The following DOCK5 variants were observed in gnomAD, a reference collection of about 807,000 sequenced individuals.
The protein encoded by DOCK5 is dedicator of cytokinesis 5, also known as dedicator of cytokinesis protein 5.
A neutral mutation model predicts 251.8 loss-of-function variants in DOCK5; 142 were observed. The observed-to-expected ratio is 0.56, with a 90% CI of 0.49 to 0.65. The LOEUF (loss-of-function observed/expected upper bound fraction) is 0.65. Among genes scored for constraint, DOCK5 ranks in the 30% least tolerant of loss-of-function variants. The probability of loss-of-function intolerance (pLI) is 0.00; values close to 1 mark genes in which losing one functional copy is unlikely to be tolerated. For missense variants in DOCK5, 2,111 were observed against 2,312.3 expected (o/e 0.91, Z 1.79); for synonymous variants, 842 against 835.5 (o/e 1.01, Z -0.13).
chr8:25,336,157 T>C (rs1805799217), intron 21 of DOCK5, 82 bp from the exon 22 acceptor site: 9 of 1,458,490 alleles, frequency 6.2e-6, no homozygotes, highest in Non-Finnish European at 8.4e-6. Context: ...CAGGATGCCA[T>C]GTTCCCCTCT....
chr8:25,234,754 C>T (rs986014928), intron 1 of DOCK5, among the ~76,000 whole-genome samples: 9 of 152,156 alleles, frequency 5.9e-5, no homozygotes, highest in Admixed American at 6.5e-5. Context: ...AAATACTCCC[C>T]GCACCTGGTG....
intron 1 of DOCK5, among the ~76,000 whole-genome samples, chr8:25,225,080 A>G (rs1802496139): frequency 6.6e-6 from 1 of 152,216 alleles, no homozygotes; most frequent in Non-Finnish European, 1.5e-5. Context: ...ATCAAAAACA[A>G]AAAACAAAAA....
At chr8:25,316,200 C>T (rs1310887392) in intron 13 of DOCK5, among the ~76,000 whole-genome samples, 1 of 152,148 alleles carries the variant, frequency 6.6e-6, no homozygotes, top group Non-Finnish European at 1.5e-5. Flanking sequence ...GTACTCTAGG[C>T]TGGGCATGGT....
At chr8:25,258,372 T>C (rs1803476259) in intron 2 of DOCK5, among the ~76,000 whole-genome samples, 1 of 152,138 alleles carries the variant, frequency 6.6e-6, no homozygotes. Context: ...ATTAAAAATA[T>C]TGTAATGTTT....
rs1805019830 is a variant in DOCK5 at position 25,308,979 on chromosome 8, A to G, written c.1192+54A>G. On this transcript the variant is annotated intron_variant, in intron 12 of 51. Coordinates refer to ENST00000276440, the MANE Select transcript of DOCK5 (RefSeq NM_024940.8). Reference sequence around the variant, plus strand: ...ACTCTGCTGAGGGTGGGGGACATTCACAGCTGGGTCCTTGGACTCCTGCCC... The same window carrying G: ...ACTCTGCTGAGGGTGGGGGACATTCGCAGCTGGGTCCTTGGACTCCTGCCC... The G allele has an allele frequency of 5.7e-6, 9 of 1,580,408 alleles. No individual in the cohort carries two copies. The Admixed American group carries it at 1.2e-4, about 21-fold the overall frequency.
intron 1 of DOCK5, among the ~76,000 whole-genome samples, chr8:25,242,045 C>G (rs993887854): frequency 6.6e-6 from 1 of 152,050 alleles, no homozygotes. Context: ...GAAGAAATAC[C>G]TAATGTAGAT....
At chr8:25,387,960 C>T (rs948220821) in intron 40 of DOCK5, among the ~76,000 whole-genome samples, 14 of 152,154 alleles carry the variant, frequency 9.2e-5, no homozygotes, top group Non-Finnish European at 2.1e-4. Context: ...CCTTTACCCA[C>T]CATTGTTTCA....
intron 1 of DOCK5, among the ~76,000 whole-genome samples, chr8:25,208,315 T>C (rs1027610637): frequency 1.3e-5 from 2 of 152,212 alleles, no homozygotes; most frequent in Non-Finnish European, 2.9e-5. Context: ...TTTGAGAGGA[T>C]TGACTCCAAA....
At chr8:25,322,748 A>G (rs1420408374) in intron 16 of DOCK5, among the ~76,000 whole-genome samples, 3 of 152,240 alleles carry the variant, frequency 2.0e-5, no homozygotes, top group South Asian at 2.1e-4. Context: ...TGTGGTCACA[A>G]GGCTAGCATA....
At position 25,395,613 on chromosome 8, in the gene DOCK5, T is replaced by C. The variant is rs1801331894; in HGVS notation, c.4598T>C (p.Val1533Ala). Residue 1533 changes from valine to alanine, a missense_variant, in exon 45 of 52, where the codon GTT (valine) becomes GCT (alanine). Val to Ala is a moderately conservative substitution (Grantham distance 64). This residue lies in a region of DOCK5 where 1,717 missense variants were observed against 1,892.4 expected (regional missense o/e 0.91). Coordinates refer to ENST00000276440, the MANE Select transcript of DOCK5 (RefSeq NM_024940.8). The stretch of plus-strand genomic sequence containing the variant: ...ACCAACGAGAGGATCAGCAACTGTG[T>C]TCAGCAGCATGCCTGGGACCGGTCC... ...ELTNERISNC[V>A]QQHAWDRSLS... is the part of the protein sequence containing the mutation. 1 of 1,613,050 alleles carries C rather than the reference T, an allele frequency of 6.2e-7. No homozygotes were observed. Among genetic ancestry groups the C allele is most frequent in the African/African-American group, 1.3e-5 (1 of 74,726 alleles).
intron 46 of DOCK5, 67 bp downstream of exon 46, chr8:25,400,061 G>A (rs1801411450): frequency 7.5e-7 from 1 of 1,326,264 alleles, no homozygotes; most frequent in Non-Finnish European, 1.1e-6. Context: ...ATTCTCCAGG[G>A]CTTAAGTCTA....
rs551482220 is a variant in DOCK5 at position 25,391,161 on chromosome 8, C to T, written c.4356-735C>T. ...GCTCAAGAGACCCTCCCTCCCACCT[C>T]AGCCTCCTAAGTAGCTGGGACATAC... is the stretch of plus-strand genomic sequence containing the variant. On this transcript the variant is annotated intron_variant, in intron 42 of 51. Coordinates refer to ENST00000276440, the MANE Select transcript of DOCK5 (RefSeq NM_024940.8). Among the ~76,000 whole-genome samples the T allele has an allele frequency of 2.6e-5, 4 of 152,080 alleles. No individual in the cohort carries two copies. In the East Asian group the frequency reaches 7.7e-4, roughly 29 times the overall value.
intron 43 of DOCK5, 57 bp downstream of exon 43, chr8:25,392,037 C>A: frequency 6.6e-7 from 1 of 1,518,780 alleles, no homozygotes; most frequent in Non-Finnish European, 9.0e-7. Flanking sequence ...AGCACGGTGG[C>A]TCACGCCTGT....
chr8:25,310,042 G>A (rs1046713765), intron 12 of DOCK5, among the ~76,000 whole-genome samples: 4 of 152,020 alleles, frequency 2.6e-5, no homozygotes, highest in Non-Finnish European at 4.4e-5. Context: ...GATTTGTTAT[G>A]CCTCTTTTGC....
intron 2 of DOCK5, among the ~76,000 whole-genome samples, chr8:25,267,869 T>TG (rs1232189564): frequency 6.6e-6 from 1 of 152,012 alleles, no homozygotes; most frequent in African/African-American, 2.4e-5. Context: ...TATTGGAATT[T>TG]TTTTTTTTTT....
Position 25,292,065 on chromosome 8 carries a change from G to A in DOCK5, c.363G>A (p.Thr121=), listed in dbSNP as rs150548776. Residue 121 remains threonine (T), a synonymous_variant, in exon 6 of 52, where the codon ACG becomes ACA. Coordinates refer to ENST00000276440, the MANE Select transcript of DOCK5 (RefSeq NM_024940.8). ...LTLFRQLQQM[T]YSLIEWRSQI... ...TCTTCCGCCAGCTGCAGCAGATGAC[G>A]TACAGCCTGATCGAGTGGCGGTCCC... 4.7e-5 allele frequency: 75 copies of A among 1,604,402 alleles called. No individual in the cohort carries two copies. In the African/African-American group the frequency reaches 8.4e-4, roughly 18 times the overall value.
intron 1 of DOCK5, among the ~76,000 whole-genome samples, chr8:25,201,168 A>C (rs1801871663): frequency 2.0e-5 from 3 of 152,176 alleles, no homozygotes; most frequent in Admixed American, 6.5e-5. Flanking sequence ...CGGCCTCCCA[A>C]AATGCTGGGA....
intron 5 of DOCK5, among the ~76,000 whole-genome samples, 171 bp from the exon 6 acceptor site, chr8:25,291,853 A>T (rs1336008308): frequency 6.0e-5 from 8 of 132,686 alleles, no homozygotes; most frequent in African/African-American, 1.4e-4. Context: ...AGCCTGGGTG[A>T]CAGAGCAAGA....
chr8:25,260,358 CCG>C (rs1563328566), intron 2 of DOCK5, among the ~76,000 whole-genome samples: 9 of 152,062 alleles, frequency 5.9e-5, no homozygotes, highest in African/African-American at 2.2e-4. Flanking sequence ...CCGCCCACCC[CCG>C]CCCAGTCCCC....
Sources: allele counts gnomAD v4.1 joint callset (sites outside exome capture counted in the v4.1 genomes callset), GRCh38; gene constraint gnomAD v4.1.1; regional missense constraint gnomAD v4.1.1; transcripts MANE v1.5; gene names NCBI Gene and HGNC (gene_info 2026-07-23, HGNC 2026-07-21).